The following PGM1 variants were observed in gnomAD, a reference collection of about 807,000 sequenced individuals.
PGM1 encodes phosphoglucomutase-1.
PGM1 carries 52 observed loss-of-function variants against 55.6 expected under a neutral mutation model. That is an observed-to-expected ratio of 0.94 (90% CI 0.75 to 1.18). The LOEUF (loss-of-function observed/expected upper bound fraction) is 1.18. Ranked by LOEUF, PGM1 falls within the 50% of genes most tolerant of loss-of-function variation. The pLI, the probability that PGM1 is intolerant of heterozygous loss-of-function variation, is 0.00. For missense variants in PGM1, 724 were observed against 729.3 expected (o/e 0.99, Z 0.08); for synonymous variants, 287 against 271.7 (o/e 1.06, Z -0.55).
intron 1 of PGM1, among the ~76,000 whole-genome samples, chr1:63,615,788 C>G (rs1034136837): frequency 6.6e-6 from 1 of 151,590 alleles, no homozygotes; most frequent in Non-Finnish European, 1.5e-5. Context: ...CACTTGAGGT[C>G]AGGAGTTCTC....
In PGM1 at chr1:63,605,097, G is replaced by T. The variant is rs573559364; in HGVS notation, c.246+11363G>T. On this transcript the variant is annotated intron_variant, in intron 1 of 10. Coordinates refer to ENST00000371084, the MANE Select transcript of PGM1 (RefSeq NM_002633.3). ...TGGAGTAGGTCCACAGGGAACCCTGGTTCCACCCTCAGGGAGGAACTCTAT... is the reference window on the plus strand; with the variant it reads ...TGGAGTAGGTCCACAGGGAACCCTGTTTCCACCCTCAGGGAGGAACTCTAT... Among the ~76,000 whole-genome samples the T allele has an allele frequency of 2.0e-5, 3 of 152,206 alleles. No homozygotes were observed. In the South Asian group the frequency reaches 6.2e-4, roughly 32 times the overall value.
intron 1 of PGM1, among the ~76,000 whole-genome samples, chr1:63,617,814 G>C (rs1008118371): frequency 6.9e-6 from 1 of 145,374 alleles, no homozygotes; most frequent in Admixed American, 6.9e-5. Flanking sequence ...CAGCACATCT[G>C]TTTCATTTTC....
intron 1 of PGM1, among the ~76,000 whole-genome samples, chr1:63,598,039 G>A (rs1441321931): frequency 6.6e-6 from 1 of 152,142 alleles, no homozygotes; most frequent in Middle Eastern, 3.2e-3. Context: ...GCGCGATCGT[G>A]GCTTACTGCA....
At chr1:63,638,963 A>AG (rs1649438508) in intron 7 of PGM1, among the ~76,000 whole-genome samples, 163 bp downstream of exon 7, 1 of 151,602 alleles carries the variant, frequency 6.6e-6, no homozygotes, top group African/African-American at 2.4e-5. Flanking sequence ...ACATTTGAAA[A>AG]GGGGTGAGCA....
Position 63,651,729 on chromosome 1 carries a change from C to T in PGM1, c.1341C>T (p.Ala447=). ...ACAAAATGATGAAGGACTTGGAGGC[C>T]CTGATGTTTGATCGCTCCTTTGTGG... ...GANKMMKDLE[A]LMFDRSFVGK... The change falls in exon 9 of 11, where the codon GCC becomes GCT. Residue 447 remains alanine, a synonymous_variant. Transcript: ENST00000371084. 1 of 1,613,748 alleles carries T rather than the reference C, an allele frequency of 6.2e-7. No homozygotes were observed. The highest frequency in any genetic ancestry group is 8.5e-7 in the Non-Finnish European group (1 of 1,179,808).
chr1:63,656,484 TTC>T (rs1649968806), intron 10 of PGM1, among the ~76,000 whole-genome samples: 1 of 152,186 alleles, frequency 6.6e-6, no homozygotes, highest in Admixed American at 6.5e-5. Context: ...GAGATATCTG[TTC>T]TCTCTTGTTC....
At chr1:63,657,099 A>T (rs1649988626) in intron 10 of PGM1, among the ~76,000 whole-genome samples, 1 of 152,240 alleles carries the variant, frequency 6.6e-6, no homozygotes, top group Non-Finnish European at 1.5e-5. Context: ...CCTTAAACAT[A>T]AACAATTTTT....
chr1:63,651,120 G>A (rs988589744), intron 8 of PGM1, among the ~76,000 whole-genome samples: 24 of 151,970 alleles, frequency 1.6e-4, no homozygotes, highest in Admixed American at 9.8e-4. Context: ...AGTGTTTGGC[G>A]TCTTCATCTG....
intron 7 of PGM1, among the ~76,000 whole-genome samples, chr1:63,639,922 T>C (rs1221862060): frequency 6.6e-6 from 1 of 152,210 alleles, no homozygotes; most frequent in Admixed American, 6.5e-5. Flanking sequence ...ACTGCCTTGA[T>C]AGAATTGGAA....
At chr1:63,600,541 A>G (rs1168243309) in intron 1 of PGM1, among the ~76,000 whole-genome samples, 1 of 152,194 alleles carries the variant, frequency 6.6e-6, no homozygotes, top group Non-Finnish European at 1.5e-5. Context: ...TGAGCCTGAC[A>G]GATGATAAAC....
At chr1:63,635,913 G>A (rs1570500712) in intron 5 of PGM1, among the ~76,000 whole-genome samples, 1 of 152,332 alleles carries the variant, frequency 6.6e-6, no homozygotes, top group East Asian at 1.9e-4. Flanking sequence ...GGAAAAAGAT[G>A]ATTGGTTCCA....
At chr1:63,636,527 T>A in intron 6 of PGM1, 139 bp downstream of exon 6, 2 of 962,314 alleles carry the variant, frequency 2.1e-6, no homozygotes, top group Non-Finnish European at 3.3e-6. Context: ...GATTCTTGTG[T>A]GAGGGGATGG....
chr1:63,643,467 G>C (rs1171850433), intron 7 of PGM1, among the ~76,000 whole-genome samples: 1 of 152,234 alleles, frequency 6.6e-6, no homozygotes, highest in African/African-American at 2.4e-5. Flanking sequence ...CCAAGTTCCA[G>C]GGGCAGTAAT....
At chr1:63,594,197 T>C in intron 1 of PGM1, 1 of 893,460 alleles carries the variant, frequency 1.1e-6, no homozygotes, top group South Asian at 5.1e-5. Context: ...CCCGCTCCTC[T>C]GCTATTCTCG....
At chr1:63,641,382 G>A (rs1363419264) in intron 7 of PGM1, among the ~76,000 whole-genome samples, 2 of 152,168 alleles carry the variant, frequency 1.3e-5, no homozygotes, top group Non-Finnish European at 2.9e-5. Flanking sequence ...TGTTGTGAAC[G>A]AGTGCAGCTG....
At chr1:63,617,533 C>CAAAATTA (rs1459826985) in intron 1 of PGM1, among the ~76,000 whole-genome samples, 1 of 151,838 alleles carries the variant, frequency 6.6e-6, no homozygotes, top group Non-Finnish European at 1.5e-5. Flanking sequence ...ACAGTGAAAC[C>CAAAATTA]CTGTCTCTAT....
intron 1 of PGM1, among the ~76,000 whole-genome samples, chr1:63,629,113 C>T (rs190205740): frequency 2.0e-5 from 3 of 152,204 alleles, no homozygotes; most frequent in East Asian, 1.9e-4. Flanking sequence ...ATTGTGGCCC[C>T]GATCTGGAAA....
At chr1:63,640,029 C>T (rs2100991817) in intron 7 of PGM1, among the ~76,000 whole-genome samples, 1 of 152,312 alleles carries the variant, frequency 6.6e-6, no homozygotes, top group South Asian at 2.1e-4. Flanking sequence ...TCAGAGATTA[C>T]AAGGCCACTG....
Position 63,593,530 on chromosome 1 carries a change from C to T in PGM1, c.42C>T (p.Asp14=). ...IVTVKTQAYQ[D]QKPGTSGLRK... ...CAGTTAAGACCCAGGCGTACCAGGA[C>T]CAGAAGCCGGGCACGAGCGGGCTGC... Residue 14 remains aspartate (D), a synonymous_variant, in exon 1 of 11, where the codon GAC becomes GAT. Coordinates refer to ENST00000371084, the MANE Select transcript of PGM1 (RefSeq NM_002633.3). 1 of 1,613,912 alleles carries T rather than the reference C, an allele frequency of 6.2e-7. No homozygotes were observed. The highest frequency in any genetic ancestry group is 8.5e-7 in the Non-Finnish European group (1 of 1,179,930).
Sources: gnomAD v4.1 joint callset for allele counts (sites outside exome capture counted in the v4.1 genomes callset) on GRCh38, gnomAD v4.1.1 for gene constraint, MANE v1.5 for transcripts, NCBI Gene and HGNC (gene_info 2026-07-23, HGNC 2026-07-21) for gene names.